The following ELAVL4 variants were observed in gnomAD, a reference collection of about 807,000 sequenced individuals.
The protein encoded by ELAVL4 is ELAV like RNA binding protein 4.
A neutral mutation model predicts 35.6 loss-of-function variants in ELAVL4; 1 was observed. The ratio of observed to expected loss-of-function variants is 0.03; its 90% CI spans 0.01 to 0.13. The LOEUF (loss-of-function observed/expected upper bound fraction) is 0.13, where lower values mean the gene tolerates loss of function less well. Among genes scored for constraint, ELAVL4 ranks in the 10% least tolerant of loss-of-function variants. ELAVL4 has a pLI of 1.00. For synonymous variants in ELAVL4, 156 were observed against 171.0 expected, an observed-to-expected ratio of 0.91 and a Z score of 0.69; for missense variants, 267 against 464.9, an observed-to-expected ratio of 0.57 and a Z score of 3.91.
intron 1 of ELAVL4, among the ~76,000 whole-genome samples, chr1:50,049,212 C>G (rs1159156043): frequency 6.6e-6 from 1 of 152,250 alleles, no homozygotes; most frequent in Non-Finnish European, 1.5e-5. Context: ...GCCTTTAAGC[C>G]TATCCATGCC....
chr1:50,118,981 GGAGA>G (rs1210217099), intron 1 of ELAVL4, among the ~76,000 whole-genome samples: 4 of 125,884 alleles, frequency 3.2e-5, no homozygotes, highest in Non-Finnish European at 6.7e-5. Context: ...AGGGAGGGAG[GGAGA>G]GAGAGAGAGA....
intron 2 of ELAVL4, among the ~76,000 whole-genome samples, chr1:50,153,310 C>T (rs781693207): frequency 5.9e-5 from 9 of 152,180 alleles, no homozygotes; most frequent in Admixed American, 1.3e-4. Context: ...ATGCCTACTG[C>T]GTGTCAGCTA....
upstream of ELAVL4, among the ~76,000 whole-genome samples, chr1:50,103,655 G>A (rs933377689): frequency 6.6e-6 from 1 of 152,194 alleles, no homozygotes; most frequent in African/African-American, 2.4e-5. Flanking sequence ...AGTCACTGAT[G>A]ACGCTATTTA....
At chr1:50,164,744 G>A (rs754543704) in intron 2 of ELAVL4, among the ~76,000 whole-genome samples, 1 of 152,160 alleles carries the variant, frequency 6.6e-6, no homozygotes, top group Non-Finnish European at 1.5e-5. Flanking sequence ...ACTTCCTATG[G>A]ACATGGGTAA....
At chr1:50,072,186 G>A (rs1199419001) in intron 1 of ELAVL4, among the ~76,000 whole-genome samples, 1 of 152,152 alleles carries the variant, frequency 6.6e-6, no homozygotes, top group Non-Finnish European at 1.5e-5. Flanking sequence ...ACAGAAATGG[G>A]TTCAAGTCCT....
intron 2 of ELAVL4, among the ~76,000 whole-genome samples, chr1:50,163,286 A>C (rs1484169148): frequency 6.6e-6 from 1 of 152,158 alleles, no homozygotes; most frequent in African/African-American, 2.4e-5. Context: ...ACTATCACTG[A>C]TAATTCATGA....
intron 1 of ELAVL4, among the ~76,000 whole-genome samples, chr1:50,112,115 C>G (rs1667173788): frequency 1.3e-5 from 2 of 151,884 alleles, no homozygotes; most frequent in South Asian, 4.1e-4. Flanking sequence ...TTTTTGTTTT[C>G]TCTTCTTATT....
chr1:50,191,706 A>T (rs986025045), intron 3 of ELAVL4, among the ~76,000 whole-genome samples: 1 of 152,172 alleles, frequency 6.6e-6, no homozygotes, highest in African/African-American at 2.4e-5. Context: ...AGGTGAGATT[A>T]GAGAAAGCTG....
chr1:50,048,410 G>A (rs986053755), intron 1 of ELAVL4, among the ~76,000 whole-genome samples: 1 of 152,062 alleles, frequency 6.6e-6, no homozygotes, highest in African/African-American at 2.4e-5. Context: ...CTCTGGCCCC[G>A]CAGGTCAGGG....
chr1:50,101,279 A>G (rs960394690), upstream of ELAVL4, among the ~76,000 whole-genome samples: 23 of 152,254 alleles, frequency 1.5e-4, no homozygotes, highest in Admixed American at 7.2e-4. Flanking sequence ...GGGTTTTTTC[A>G]GGTTTAAAAG....
At chr1:50,194,403 G>A (rs922351107) in intron 4 of ELAVL4, among the ~76,000 whole-genome samples, 2 of 152,200 alleles carry the variant, frequency 1.3e-5, no homozygotes, top group Non-Finnish European at 2.9e-5. Flanking sequence ...GATCTGAACC[G>A]AGGATCTGGT....
chr1:50,069,139 A>G (rs1010361816), intron 1 of ELAVL4, among the ~76,000 whole-genome samples: 7 of 152,072 alleles, frequency 4.6e-5, no homozygotes, highest in Admixed American at 2.6e-4. Flanking sequence ...ATGTATCTCT[A>G]TGTCATATTT....
At chr1:50,083,053 T>C (rs1309640672) in intron 1 of ELAVL4, among the ~76,000 whole-genome samples, 2 of 152,040 alleles carry the variant, frequency 1.3e-5, no homozygotes, top group East Asian at 3.9e-4. Context: ...TCCTAGAGAA[T>C]AATACCAACA....
At chr1:50,057,412 T>A (rs1262088021) in intron 1 of ELAVL4, among the ~76,000 whole-genome samples, 1 of 152,190 alleles carries the variant, frequency 6.6e-6, no homozygotes, top group African/African-American at 2.4e-5. Flanking sequence ...AATTGTACAA[T>A]GCTTATAAAG....
intron 1 of ELAVL4, among the ~76,000 whole-genome samples, chr1:50,096,722 C>T (rs1665732495): frequency 6.6e-6 from 1 of 152,178 alleles, no homozygotes; most frequent in Non-Finnish European, 1.5e-5. Context: ...TAAGTAGCAG[C>T]ATGTTACACC....
chr1:50,142,222 G>A (rs992644947), intron 1 of ELAVL4, among the ~76,000 whole-genome samples: 12 of 152,006 alleles, frequency 7.9e-5, no homozygotes, highest in Non-Finnish European at 1.0e-4. Flanking sequence ...TTTTTGAGAC[G>A]GAGTTTCACT....
intron 1 of ELAVL4, among the ~76,000 whole-genome samples, chr1:50,087,111 AT>A (rs1468795704): frequency 6.6e-6 from 1 of 152,182 alleles, no homozygotes; most frequent in African/African-American, 2.4e-5. Context: ...CTACTTCATC[AT>A]TTATTATTTT....
At chr1:50,123,008 G>C (rs896565030) in intron 1 of ELAVL4, among the ~76,000 whole-genome samples, 5 of 152,054 alleles carry the variant, frequency 3.3e-5, no homozygotes, top group African/African-American at 1.2e-4. Flanking sequence ...TCAAAGAGCT[G>C]AATATCTGGT....
At chr1:50,072,869 A>G (rs970119957) in intron 1 of ELAVL4, among the ~76,000 whole-genome samples, 4 of 152,166 alleles carry the variant, frequency 2.6e-5, no homozygotes, top group African/African-American at 7.2e-5. Flanking sequence ...CCCAGTTAAA[A>G]AGTAGAAGAG....
Sources: gnomAD v4.1 joint callset for allele counts (sites outside exome capture counted in the v4.1 genomes callset) on GRCh38, gnomAD v4.1.1 for gene constraint, MANE v1.5 for transcripts, NCBI Gene and HGNC (gene_info 2026-07-23, HGNC 2026-07-21) for gene names.